Variants in OSBP2 observed in about 807,000 individuals in gnomAD.
OSBP2 encodes oxysterol binding protein 2.
OSBP2 carries 66 observed loss-of-function variants against 96.0 expected under a neutral mutation model. That is an observed-to-expected ratio of 0.69 (90% confidence interval 0.56 to 0.84). OSBP2 has a LOEUF of 0.84. OSBP2 is among the 40% of genes least tolerant of loss of function. The probability of loss-of-function intolerance (pLI) is 0.00; values close to 1 mark genes in which losing one functional copy is unlikely to be tolerated. For missense variants in OSBP2, 1,038 were observed against 1,222.7 expected (o/e 0.85, Z 2.25); for synonymous variants, 525 against 520.9 (o/e 1.01, Z -0.11).
chr22:30,700,191 C>CAGTAG (rs2089134106), intron 1 of OSBP2, among the ~76,000 whole-genome samples: 1 of 152,024 alleles, frequency 6.6e-6, no homozygotes, highest in African/African-American at 2.4e-5. Flanking sequence ...ATCTCAAACT[C>CAGTAG]CTGACCTCGT....
intron 1 of OSBP2, among the ~76,000 whole-genome samples, chr22:30,710,435 C>T (rs1313261724): frequency 6.6e-6 from 1 of 152,180 alleles, no homozygotes; most frequent in African/African-American, 2.4e-5. Flanking sequence ...CCACTACTGT[C>T]ATTACCCTTA....
At chr22:30,850,380 A>C (rs771334514) in intron 2 of OSBP2, among the ~76,000 whole-genome samples, 3 of 152,120 alleles carry the variant, frequency 2.0e-5, no homozygotes, top group Non-Finnish European at 4.4e-5. Flanking sequence ...TTCCATTATA[A>C]GTCCATACTT....
intron 2 of OSBP2, among the ~76,000 whole-genome samples, chr22:30,852,639 T>C (rs1166043412): frequency 6.6e-6 from 1 of 152,134 alleles, no homozygotes; most frequent in Non-Finnish European, 1.5e-5. Flanking sequence ...ATTTTGTTTA[T>C]TTCTGCTTTT....
At chr22:30,701,286 G>A (rs570750142) in intron 1 of OSBP2, among the ~76,000 whole-genome samples, 9 of 151,468 alleles carry the variant, frequency 5.9e-5, no homozygotes, top group East Asian at 1.9e-4. Flanking sequence ...ACTGGGCACC[G>A]AGAAATATTG....
At chr22:30,730,438 C>G (rs1176840477) in intron 1 of OSBP2, among the ~76,000 whole-genome samples, 1 of 152,026 alleles carries the variant, frequency 6.6e-6, no homozygotes, top group African/African-American at 2.4e-5. Context: ...CATTTACAGG[C>G]CTGTGTCCTT....
chr22:30,743,367 C>T (rs919138456), intron 2 of OSBP2, among the ~76,000 whole-genome samples: 1 of 152,216 alleles, frequency 6.6e-6, no homozygotes, highest in Non-Finnish European at 1.5e-5. Flanking sequence ...GAGCATGGGT[C>T]ACCTGCTTGG....
At chr22:30,720,378 C>T (rs2145702531) in intron 1 of OSBP2, among the ~76,000 whole-genome samples, 1 of 152,322 alleles carries the variant, frequency 6.6e-6, no homozygotes, top group East Asian at 1.9e-4. Flanking sequence ...TTGTGGCTCA[C>T]TCACACGCCT....
At chr22:30,884,027 G>A (rs2039758496) in intron 3 of OSBP2, among the ~76,000 whole-genome samples, 2 of 152,090 alleles carry the variant, frequency 1.3e-5, no homozygotes, top group African/African-American at 2.4e-5. Flanking sequence ...CTGGAGCTGC[G>A]TCTCCCAGGA....
At chr22:30,815,043 AG>A (rs766024064) in intron 2 of OSBP2, among the ~76,000 whole-genome samples, 1 of 151,888 alleles carries the variant, frequency 6.6e-6, no homozygotes, top group Non-Finnish European at 1.5e-5. Context: ...GCACTTTGGG[AG>A]GCCAAGGCGG....
chr22:30,779,848 T>C (rs1602252902), intron 2 of OSBP2, among the ~76,000 whole-genome samples: 1 of 152,000 alleles, frequency 6.6e-6, no homozygotes, highest in African/African-American at 2.4e-5. Context: ...GGCTGGGTGG[T>C]CTTTCTCCCG....
intron 12 of OSBP2, among the ~76,000 whole-genome samples, chr22:30,905,134 CTTTTTTTTTTTTTT>C (rs566334052): frequency 1.3e-4 from 9 of 68,704 alleles, no homozygotes; most frequent in African/African-American, 1.7e-4. Context: ...CGAGACCCGT[CTTTTTTTTTTTTTT>C]TTTTTTTTTT....
intron 2 of OSBP2, among the ~76,000 whole-genome samples, chr22:30,805,839 C>T (rs2090921334): frequency 1.3e-5 from 2 of 152,270 alleles, no homozygotes; most frequent in South Asian, 4.1e-4. Context: ...ATGTTCCCTC[C>T]AGGAGAATGG....
chr22:30,827,962 C>G (rs2038438638), intron 2 of OSBP2, among the ~76,000 whole-genome samples: 1 of 152,180 alleles, frequency 6.6e-6, no homozygotes, highest in South Asian at 2.1e-4. Flanking sequence ...GCCTGCACCC[C>G]CAGCATTTAA....
chr22:30,781,603 T>C lies in OSBP2; in HGVS notation c.853+40234T>C, dbSNP rs550438246. ...GCAAAGATCCAGGGGATGTGAATGG[T>C]GGCCCTGAGTGGACTCAAATGGGCT... On this transcript the variant is annotated intron_variant, in intron 2 of 13. Coordinates refer to ENST00000332585, the MANE Select transcript of OSBP2 (RefSeq NM_030758.4). Among the ~76,000 whole-genome samples the C allele has an allele frequency of 8.1e-4, 124 of 152,304 alleles. 2 individuals carry two copies. The highest frequency in any genetic ancestry group is 4.0e-4 in the Non-Finnish European group (27 of 68,032).
intron 12 of OSBP2, 101 bp from the exon 13 acceptor site, chr22:30,905,736 G>A: frequency 7.3e-7 from 1 of 1,377,752 alleles, no homozygotes; most frequent in South Asian, 1.3e-5. Context: ...TGGAGGGTGA[G>A]GCGACCCGGG....
At chr22:30,758,184 T>C (rs2090164100) in intron 2 of OSBP2, among the ~76,000 whole-genome samples, 1 of 152,108 alleles carries the variant, frequency 6.6e-6, no homozygotes, top group Admixed American at 6.6e-5. Context: ...GGCCGATCAC[T>C]TGAGGCCAGG....
At chr22:30,864,381 A>C (rs2047231191) in intron 2 of OSBP2, among the ~76,000 whole-genome samples, 1 of 152,214 alleles carries the variant, frequency 6.6e-6, no homozygotes, top group African/African-American at 2.4e-5. Context: ...GAAGTGACCC[A>C]CAATGGGGCT....
intron 2 of OSBP2, among the ~76,000 whole-genome samples, chr22:30,799,888 A>C (rs927861064): frequency 2.6e-5 from 4 of 152,184 alleles, no homozygotes; most frequent in Non-Finnish European, 5.9e-5. Flanking sequence ...GTAATAACCT[A>C]CTACAGAATG....
intron 1 of OSBP2, among the ~76,000 whole-genome samples, chr22:30,738,563 T>C (rs2089888912): frequency 6.6e-6 from 1 of 151,822 alleles, no homozygotes; most frequent in South Asian, 2.1e-4. Context: ...CAAATGTCTT[T>C]TTTTTTTTTT....
Sources: gnomAD v4.1 joint callset for allele counts (sites outside exome capture counted in the v4.1 genomes callset) on GRCh38, gnomAD v4.1.1 for gene constraint, MANE v1.5 for transcripts, NCBI Gene and HGNC (gene_info 2026-07-23, HGNC 2026-07-21) for gene names.